The following GABRB1 variants were observed in gnomAD, a reference collection of about 807,000 sequenced individuals.
GABRB1 encodes gamma-aminobutyric acid receptor subunit beta-1.
Under a neutral mutation model 51.6 loss-of-function variants are expected in GABRB1, and 17 were observed. The ratio of observed to expected loss-of-function variants is 0.33; its 90% confidence interval spans 0.23 to 0.49. The LOEUF (loss-of-function observed/expected upper bound fraction) is 0.49, where lower values mean the gene tolerates loss of function less well. Among genes scored for constraint, GABRB1 ranks in the 20% least tolerant of loss-of-function variants. The probability of loss-of-function intolerance (pLI) is 0.99; values close to 1 mark genes in which losing one functional copy is unlikely to be tolerated. For synonymous variants in GABRB1, 247 were observed against 218.9 expected (o/e 1.13, Z -1.14); for missense variants, 410 against 600.6 (o/e 0.68, Z 3.32).
chr4:47,102,472 T>C (rs1714765779), intron 3 of GABRB1, among the ~76,000 whole-genome samples: 1 of 151,622 alleles, frequency 6.6e-6, no homozygotes, highest in Non-Finnish European at 1.5e-5. Flanking sequence ...AAGGGAAGAG[T>C]GCAAAGAGCA....
At chr4:47,241,982 A>G (rs1721541724) in intron 4 of GABRB1, among the ~76,000 whole-genome samples, 1 of 152,102 alleles carries the variant, frequency 6.6e-6, no homozygotes, top group Non-Finnish European at 1.5e-5. Context: ...GGTGTGCTGT[A>G]CCCGTTAACT....
rs529962999 is a variant in GABRB1 at position 47,215,059 on chromosome 4, A to C, written c.461+53590A>C. Among the ~76,000 whole-genome samples, 8 of 152,210 alleles carry C rather than the reference A, an allele frequency of 5.3e-5. No individual in the cohort carries two copies. In the South Asian group the frequency reaches 1.7e-3, roughly 32 times the overall value. ...AGTAGTGTCGGTATGGCCATGGGAT[A>C]TGTACTGCTCAATGGTATTTAACCA... On this transcript the variant is annotated intron_variant, in intron 4 of 8. Transcript: ENST00000295454.
chr4:47,211,798 G>A (rs199809229), intron 4 of GABRB1, among the ~76,000 whole-genome samples: 8 of 152,210 alleles, frequency 5.3e-5, no homozygotes, highest in East Asian at 3.9e-4. Flanking sequence ...TCTGGCTTCC[G>A]GAGGCTGTCC....
chr4:47,363,384 G>C (rs1337076487), intron 5 of GABRB1, among the ~76,000 whole-genome samples: 2 of 151,968 alleles, frequency 1.3e-5, no homozygotes, highest in Non-Finnish European at 2.9e-5. Flanking sequence ...GCCAAATTTT[G>C]TATGTGTCGG....
intron 4 of GABRB1, among the ~76,000 whole-genome samples, chr4:47,204,780 G>A (rs980532913): frequency 6.6e-5 from 10 of 152,236 alleles, no homozygotes; most frequent in Admixed American, 6.5e-4. Flanking sequence ...TGCCATGATT[G>A]TGAGGCTTCC....
In GABRB1 at chr4:47,174,929, T is replaced by G. The variant is rs138202515; in HGVS notation, c.461+13460T>G. 1.9e-3 allele frequency among the ~76,000 whole-genome samples: 248 copies of G among 132,520 alleles called. 1 individual carries two copies. The highest frequency in any genetic ancestry group is 3.2e-3 in the Non-Finnish European group (199 of 62,416). 86.9% of individuals were successfully genotyped at this position (132,520 alleles called of 152,430 possible). ...CCTTCTTTCCTTCCTTCCTTCCTTCTTTCCTTCCTTCCCTCCTCCTTCCTT... is the reference window on the plus strand; with the variant it reads ...CCTTCTTTCCTTCCTTCCTTCCTTCGTTCCTTCCTTCCCTCCTCCTTCCTT... On this transcript the variant is annotated intron_variant, in intron 4 of 8. Coordinates refer to ENST00000295454, the MANE Select transcript of GABRB1 (RefSeq NM_000812.4).
At chr4:47,092,882 G>A (rs929035103) in intron 3 of GABRB1, among the ~76,000 whole-genome samples, 1 of 152,054 alleles carries the variant, frequency 6.6e-6, no homozygotes, top group Admixed American at 6.5e-5. Context: ...CAGAGTGTTG[G>A]GATTACAGGT....
intron 1 of GABRB1, chr4:46,994,320 G>A (rs1005238337): frequency 6.6e-6 from 1 of 152,104 alleles, no homozygotes; most frequent in African/African-American, 2.4e-5. Context: ...GAGAGGTGGA[G>A]ACAAGCGACC....
At chr4:47,290,095 A>G (rs1269443895) in intron 4 of GABRB1, among the ~76,000 whole-genome samples, 3 of 152,236 alleles carry the variant, frequency 2.0e-5, no homozygotes, top group Non-Finnish European at 4.4e-5. Context: ...TACTGTCTAG[A>G]TTAGTTAGAT....
chr4:47,298,788 C>G (rs1724120681), intron 4 of GABRB1, among the ~76,000 whole-genome samples: 1 of 152,144 alleles, frequency 6.6e-6, no homozygotes, highest in Admixed American at 6.5e-5. Flanking sequence ...CAAGTCAATC[C>G]TAAGCCAAAA....
At chr4:47,234,344 G>T (rs530883917) in intron 4 of GABRB1, among the ~76,000 whole-genome samples, 11 of 151,914 alleles carry the variant, frequency 7.2e-5, no homozygotes, top group East Asian at 1.9e-4. Context: ...AAAATTAGCC[G>T]GGCATGGTGG....
intron 4 of GABRB1, among the ~76,000 whole-genome samples, chr4:47,295,237 A>G (rs1723924995): frequency 6.6e-6 from 1 of 152,262 alleles, no homozygotes; most frequent in African/African-American, 2.4e-5. Context: ...CCTCACCAGC[A>G]ACGGAACAAA....
chr4:47,239,857 A>G (rs1288371450), intron 4 of GABRB1, among the ~76,000 whole-genome samples: 1 of 152,128 alleles, frequency 6.6e-6, no homozygotes, highest in Non-Finnish European at 1.5e-5. Context: ...ATGGCTGACA[A>G]TCACCCTATC....
At chr4:47,399,588 C>T (rs559252366) in intron 5 of GABRB1, among the ~76,000 whole-genome samples, 1 of 152,254 alleles carries the variant, frequency 6.6e-6, no homozygotes, top group African/African-American at 2.4e-5. Flanking sequence ...AAGGTGGAGT[C>T]CCTTATCTGT....
intron 3 of GABRB1, among the ~76,000 whole-genome samples, chr4:47,144,678 G>A (rs1032512728): frequency 7.9e-5 from 12 of 151,796 alleles, no homozygotes; most frequent in Non-Finnish European, 7.4e-5. Context: ...AACTGGAATC[G>A]AATTTAGATT....
At chr4:47,275,752 C>G (rs986645197) in intron 4 of GABRB1, among the ~76,000 whole-genome samples, 1 of 152,082 alleles carries the variant, frequency 6.6e-6, no homozygotes, top group Non-Finnish European at 1.5e-5. Flanking sequence ...GCCAGCCTCC[C>G]AGAATCTGCT....
chr4:47,141,810 A>G (rs951252458), intron 3 of GABRB1, among the ~76,000 whole-genome samples: 5 of 151,974 alleles, frequency 3.3e-5, no homozygotes, highest in African/African-American at 1.2e-4. Context: ...TGCACAAAAA[A>G]TCATTTCAAG....
At chr4:47,007,334 C>T (rs993617574) in intron 1 of GABRB1, among the ~76,000 whole-genome samples, 1 of 151,996 alleles carries the variant, frequency 6.6e-6, no homozygotes, top group African/African-American at 2.4e-5. Context: ...TCTAATAATT[C>T]TCAATTTATC....
At chr4:47,290,009 A>G (rs527975239) in intron 4 of GABRB1, among the ~76,000 whole-genome samples, 119 of 152,340 alleles carry the variant, frequency 7.8e-4, no homozygotes, top group Non-Finnish European at 1.3e-3. Flanking sequence ...ACTCTTCACA[A>G]TTCACAACAA....
Sources: allele counts gnomAD v4.1 joint callset (sites outside exome capture counted in the v4.1 genomes callset), GRCh38; gene constraint gnomAD v4.1.1; transcripts MANE v1.5; gene names NCBI Gene and HGNC (gene_info 2026-07-23, HGNC 2026-07-21).